Variants in MEGF10 observed in about 807,000 individuals in gnomAD.
The protein encoded by MEGF10 is multiple EGF like domains 10.
MEGF10 carries 86 observed loss-of-function variants against 147.5 expected under a neutral mutation model. The ratio of observed to expected loss-of-function variants is 0.58; its 90% CI spans 0.49 to 0.70. MEGF10 has a LOEUF of 0.70. Among genes scored for constraint, MEGF10 ranks in the 30% least tolerant of loss-of-function variants. The pLI, the probability that MEGF10 is intolerant of heterozygous loss-of-function variation, is 0.00. For synonymous variants in MEGF10, 478 were observed against 525.5 expected (o/e 0.91, Z 1.24); for missense variants, 1,329 against 1,487.3 (o/e 0.89, Z 1.75).
At chr5:127,355,129 C>G (rs538791249) in intron 4 of MEGF10, among the ~76,000 whole-genome samples, 6 of 152,184 alleles carry the variant, frequency 3.9e-5, no homozygotes, top group East Asian at 1.9e-4. Context: ...GAAGAGTTAG[C>G]CTTCGGCAGA....
chr5:127,363,499 C>G (rs747396393), intron 4 of MEGF10, among the ~76,000 whole-genome samples: 1 of 152,082 alleles, frequency 6.6e-6, no homozygotes, highest in African/African-American at 2.4e-5. Context: ...GAAGGGGAGT[C>G]GCACTTACCA....
intron 1 of MEGF10, among the ~76,000 whole-genome samples, chr5:127,315,283 G>A (rs1425299072): frequency 2.6e-5 from 4 of 152,138 alleles, no homozygotes; most frequent in African/African-American, 9.6e-5. Context: ...GTTTATTTAT[G>A]TATTTATTTT....
intron 4 of MEGF10, among the ~76,000 whole-genome samples, chr5:127,362,201 C>T (rs1762491962): frequency 6.6e-6 from 1 of 151,802 alleles, no homozygotes; most frequent in Non-Finnish European, 1.5e-5. Context: ...ATTATTATTT[C>T]ATTATAATGA....
Position 127,349,851 on chromosome 5 carries a change from A to C in MEGF10, c.319+9221A>C, listed in dbSNP as rs1437142620. 2.6e-5 allele frequency among the ~76,000 whole-genome samples: 4 copies of C among 152,204 alleles called. No individual in the cohort carries two copies. In the East Asian group the frequency reaches 7.7e-4, roughly 29 times the overall value. On this transcript the variant is annotated intron_variant, in intron 4 of 24. Coordinates refer to ENST00000503335, the MANE Select transcript of MEGF10 (RefSeq NM_001256545.2). The stretch of plus-strand genomic sequence containing the variant: ...GTAAGACATATTATTTCCTAGTACT[A>C]GTTTCAAATTAGATTAGAACTCTCA...
upstream of MEGF10, among the ~76,000 whole-genome samples, chr5:127,285,817 A>G (rs1759010964): frequency 6.6e-6 from 1 of 152,178 alleles, no homozygotes; most frequent in Non-Finnish European, 1.5e-5. Context: ...CTGGGTATTT[A>G]ATCAAAGGAA....
At chr5:127,327,320 G>A (rs1313573389) in intron 1 of MEGF10, among the ~76,000 whole-genome samples, 1 of 152,096 alleles carries the variant, frequency 6.6e-6, no homozygotes, top group Non-Finnish European at 1.5e-5. Context: ...TTTGTTAAAC[G>A]GAATCATAAG....
the MEGF10 span, among the ~76,000 whole-genome samples, chr5:127,258,623 A>G: frequency 2.6e-5 from 4 of 152,162 alleles, no homozygotes; most frequent in Non-Finnish European, 4.4e-5. Context: ...TTTAATTGCC[A>G]TTGTGATGGT....
rs1766495394 is a variant in MEGF10 at position 127,459,668 on chromosome 5, C to G, written c.*2350C>G. The G allele has an allele frequency of 6.6e-6, 1 of 152,212 alleles. No homozygotes were observed. The highest frequency in any genetic ancestry group is 6.5e-5 in the Admixed American group (1 of 15,272). The allele number at this position is 152,212 out of a possible 1,614,324, so 9.4% of individuals were successfully genotyped here. On this transcript the variant is annotated 3_prime_UTR_variant, in exon 25 of 25. Transcript: ENST00000503335. ...AAAATCTGGACAATAGATGTGGACT[C>G]CAAGGGGCCACTGCCATCCCTTCCT...
chr5:127,445,947 T>G (rs1765928499), intron 20 of MEGF10, among the ~76,000 whole-genome samples: 1 of 152,188 alleles, frequency 6.6e-6, no homozygotes, highest in Non-Finnish European at 1.5e-5. Flanking sequence ...TTAGGGAATT[T>G]CAATCCATAA....
Position 127,396,793 on chromosome 5 carries a change from GC to G in MEGF10, c.659+18del. 1 of 1,608,202 alleles carries G rather than the reference GC, an allele frequency of 6.2e-7. No homozygotes were observed. The highest frequency in any genetic ancestry group is 8.5e-7 in the Non-Finnish European group (1 of 1,176,212). ...ACCGGAGCCTTGTAAGTCACATGCT[GC>G]CCAGCAGCAGAGCAGAGCCCACCCA... On this transcript the variant is annotated intron_variant, in intron 6 of 24. Transcript: ENST00000503335.
intron 22 of MEGF10, among the ~76,000 whole-genome samples, chr5:127,452,649 G>T (rs1311122856): frequency 3.3e-5 from 5 of 152,112 alleles, no homozygotes; most frequent in Non-Finnish European, 7.4e-5. Context: ...CCTTCCAGAG[G>T]TGGAGATGAT....
intron 4 of MEGF10, among the ~76,000 whole-genome samples, chr5:127,346,347 C>T (rs246895): frequency 0.43 from 64,806 of 151,910 alleles, 14,268 homozygotes; most frequent in Non-Finnish European, 0.49. Flanking sequence ...GTTCCTTTTT[C>T]GCCACATCCA....
intron 21 of MEGF10, among the ~76,000 whole-genome samples, chr5:127,448,076 C>T (rs980498274): frequency 2.0e-5 from 3 of 152,084 alleles, no homozygotes; most frequent in African/African-American, 4.8e-5. Flanking sequence ...CAGAATCAGC[C>T]GTGGGCAAAA....
chr5:127,378,132 A>G lies in MEGF10; in HGVS notation c.412+8130A>G, dbSNP rs35530. Reference sequence around the variant, plus strand: ...CTACTACCACCACCCTCTGTCACCCACCCTGGAATGGAATTGCTATCCCCC... The same window carrying G: ...CTACTACCACCACCCTCTGTCACCCGCCCTGGAATGGAATTGCTATCCCCC... On this transcript the variant is annotated intron_variant, in intron 5 of 24. Transcript: ENST00000503335. Among the ~76,000 whole-genome samples, 215 of 152,122 alleles carry G rather than the reference A, an allele frequency of 1.4e-3. No individual in the cohort carries two copies. In the South Asian group the frequency reaches 0.018, roughly 13 times the overall value.
intron 5 of MEGF10, among the ~76,000 whole-genome samples, chr5:127,378,278 G>A (rs1295765483): frequency 1.3e-5 from 2 of 152,064 alleles, no homozygotes; most frequent in East Asian, 1.9e-4. Context: ...ACAGGTATTC[G>A]CCAGTGCTGT....
chr5:127,349,327 C>A (rs58043513), intron 4 of MEGF10, among the ~76,000 whole-genome samples: 5,029 of 152,088 alleles, frequency 0.033, 273 homozygotes, highest in African/African-American at 0.11. Flanking sequence ...CATTGAATTT[C>A]TTGATATTTA....
At chr5:127,416,780 A>G (rs1452928934) in intron 9 of MEGF10, among the ~76,000 whole-genome samples, 1 of 152,178 alleles carries the variant, frequency 6.6e-6, no homozygotes, top group Admixed American at 6.5e-5. Flanking sequence ...CACTGAGGCT[A>G]CTTAGGTAGT....
chr5:127,284,589 T>C, the MEGF10 span, among the ~76,000 whole-genome samples: 1 of 152,120 alleles, frequency 6.6e-6, no homozygotes, highest in African/African-American at 2.4e-5. Flanking sequence ...TATGGGATCA[T>C]GGGCAAGATA....
chr5:127,231,822 T>A, the MEGF10 span, among the ~76,000 whole-genome samples: 132 of 152,278 alleles, frequency 8.7e-4, no homozygotes, highest in Admixed American at 2.1e-3. Flanking sequence ...AAAGGTCGCC[T>A]CCAAAGGCTA....
Sources: gnomAD v4.1 joint callset for allele counts (sites outside exome capture counted in the v4.1 genomes callset) on GRCh38, gnomAD v4.1.1 for gene constraint, MANE v1.5 for transcripts, NCBI Gene and HGNC (gene_info 2026-07-23, HGNC 2026-07-21) for gene names.